The following KIAA0232 variants were observed in gnomAD, a reference collection of about 807,000 sequenced individuals.
The protein encoded by KIAA0232 is KIAA0232.
In KIAA0232, 27 loss-of-function variants were observed where a neutral mutation model predicts 122.0. That is an observed-to-expected ratio of 0.22 (90% CI 0.16 to 0.31). The LOEUF (loss-of-function observed/expected upper bound fraction) is 0.31, where lower values mean the gene tolerates loss of function less well. Among genes scored for constraint, KIAA0232 ranks in the 10% least tolerant of loss-of-function variants. The probability of loss-of-function intolerance (pLI) is 1.00; values close to 1 mark genes in which losing one functional copy is unlikely to be tolerated. For synonymous variants in KIAA0232, 613 were observed against 587.6 expected (o/e 1.04, Z -0.63); for missense variants, 1,551 against 1,634.2 (o/e 0.95, Z 0.88).
chr4:6,813,873 G>T (rs1033046939), intron 2 of KIAA0232, among the ~76,000 whole-genome samples: 6 of 152,036 alleles, frequency 3.9e-5, no homozygotes, highest in African/African-American at 1.4e-4. Context: ...GTTTCCTGGG[G>T]GCTGCCATAG....
chr4:6,807,884 A>G (rs1185140142), intron 2 of KIAA0232, among the ~76,000 whole-genome samples: 10 of 152,206 alleles, frequency 6.6e-5, no homozygotes. Flanking sequence ...CCTGGCCAAC[A>G]TGGTGAAACC....
At chr4:6,857,266 A>T (rs1720616067) in intron 5 of KIAA0232, 36 bp downstream of exon 5, 2 of 1,549,218 alleles carry the variant, frequency 1.3e-6, no homozygotes, top group South Asian at 2.3e-5. Context: ...ACATGCCAGG[A>T]TTACATCCCT....
chr4:6,846,234 G>A (rs1719960200), intron 4 of KIAA0232, among the ~76,000 whole-genome samples: 1 of 152,158 alleles, frequency 6.6e-6, no homozygotes, highest in Non-Finnish European at 1.5e-5. Context: ...AATGAATGAG[G>A]AGAGTCTTCA....
At chr4:6,833,245 TA>T (rs1719089257) in intron 3 of KIAA0232, among the ~76,000 whole-genome samples, 1 of 152,224 alleles carries the variant, frequency 6.6e-6, no homozygotes, top group African/African-American at 2.4e-5. Flanking sequence ...TTTAATTAAA[TA>T]ACCTTCTACA....
At chr4:6,842,489 T>C (rs77782394) in intron 4 of KIAA0232, among the ~76,000 whole-genome samples, 3,180 of 152,236 alleles carry the variant, frequency 0.021, 102 homozygotes, top group African/African-American at 0.069. Flanking sequence ...GTCTTTATTC[T>C]TTTTAGTGGC....
At chr4:6,849,280 G>T (rs546634369) in intron 4 of KIAA0232, among the ~76,000 whole-genome samples, 5 of 152,140 alleles carry the variant, frequency 3.3e-5, no homozygotes, top group Non-Finnish European at 7.4e-5. Flanking sequence ...GAGATAAGGG[G>T]AGGAGACAAG....
At chr4:6,876,812 G>A (rs1178805422) in intron 9 of KIAA0232, 55 bp downstream of exon 9, 5 of 1,249,464 alleles carry the variant, frequency 4.0e-6, no homozygotes, top group Non-Finnish European at 5.9e-6. Context: ...ACCACCTCCA[G>A]TTGTCACTGT....
chr4:6,792,085 C>T (rs1325178206), intron 1 of KIAA0232, among the ~76,000 whole-genome samples: 6 of 152,208 alleles, frequency 3.9e-5, no homozygotes, highest in Admixed American at 6.5e-5. Flanking sequence ...TCTGCAGCCA[C>T]GTGGAACTGT....
intron 4 of KIAA0232, among the ~76,000 whole-genome samples, chr4:6,850,957 C>G (rs1720246521): frequency 6.6e-6 from 1 of 152,154 alleles, no homozygotes; most frequent in South Asian, 2.1e-4. Flanking sequence ...CGTGAGCCAC[C>G]ATGCTCGGCC....
At chr4:6,835,951 TA>T (rs1719244403) in intron 3 of KIAA0232, among the ~76,000 whole-genome samples, 1 of 152,214 alleles carries the variant, frequency 6.6e-6, no homozygotes, top group Admixed American at 6.5e-5. Context: ...GTCTTTATAG[TA>T]GCATGATTTA....
At chr4:6,837,158 C>T (rs555397262) in intron 3 of KIAA0232, among the ~76,000 whole-genome samples, 15 of 151,002 alleles carry the variant, frequency 9.9e-5, no homozygotes, top group Admixed American at 4.6e-4. Flanking sequence ...CCGAACGGGC[C>T]GGCTGGCGGG....
At chr4:6,850,148 T>C (rs1004665924) in intron 4 of KIAA0232, among the ~76,000 whole-genome samples, 4 of 152,148 alleles carry the variant, frequency 2.6e-5, no homozygotes, top group Admixed American at 2.0e-4. Flanking sequence ...TGAGGCACTA[T>C]AAAATAGACA....
chr4:6,793,742 C>A (rs1717009350), intron 1 of KIAA0232, among the ~76,000 whole-genome samples: 2 of 152,146 alleles, frequency 1.3e-5, no homozygotes, highest in Non-Finnish European at 2.9e-5. Context: ...GTTAACCGTT[C>A]TAATCTGTTA....
At chr4:6,811,747 AT>A (rs10709832) in intron 2 of KIAA0232, among the ~76,000 whole-genome samples, 44,133 of 103,638 alleles carry the variant, frequency 0.43, 8,659 homozygotes, top group Middle Eastern at 0.49. Context: ...GCCTGGCCTA[AT>A]TTTTTTTTTT....
At chr4:6,846,705 G>A (rs1171443949) in intron 4 of KIAA0232, among the ~76,000 whole-genome samples, 1 of 152,002 alleles carries the variant, frequency 6.6e-6, no homozygotes, top group Admixed American at 6.6e-5. Context: ...GAAAGAATCA[G>A]TGTGTGGTAG....
At chr4:6,806,350 T>A (rs749163515) in intron 2 of KIAA0232, among the ~76,000 whole-genome samples, 2 of 152,142 alleles carry the variant, frequency 1.3e-5, no homozygotes, top group Admixed American at 6.5e-5. Flanking sequence ...ATCAAATAAC[T>A]GGAATCAAGT....
chr4:6,838,444 C>T (rs966931014), intron 3 of KIAA0232, among the ~76,000 whole-genome samples: 1 of 152,184 alleles, frequency 6.6e-6, no homozygotes, highest in African/African-American at 2.4e-5. Context: ...CCACCTCTGC[C>T]TCCCAAATTG....
chr4:6,816,885 G>A (rs1180885561), intron 2 of KIAA0232, among the ~76,000 whole-genome samples: 4 of 152,068 alleles, frequency 2.6e-5, no homozygotes, highest in Non-Finnish European at 4.4e-5. Flanking sequence ...TTGGTATAAA[G>A]TTTTTCTAAT....
intron 2 of KIAA0232, among the ~76,000 whole-genome samples, chr4:6,823,526 C>A (rs980811824): frequency 1.2e-4 from 19 of 152,190 alleles, no homozygotes; most frequent in African/African-American, 4.6e-4. Context: ...TCAGAGATGA[C>A]CAGTCCTAAA....
Sources: allele counts gnomAD v4.1 joint callset (sites outside exome capture counted in the v4.1 genomes callset), GRCh38; gene constraint gnomAD v4.1.1; transcripts MANE v1.5; gene names NCBI Gene and HGNC (gene_info 2026-07-23, HGNC 2026-07-21).